Variants in IMMP2L observed in about 807,000 individuals in gnomAD.
The protein encoded by IMMP2L is mitochondrial inner membrane protease subunit 2.
Under a neutral mutation model 19.3 loss-of-function variants are expected in IMMP2L, and 18 were observed. The observed-to-expected ratio is 0.93, with a 90% CI of 0.64 to 1.38. IMMP2L has a LOEUF of 1.38. IMMP2L is among the 40% of genes most tolerant of loss of function. IMMP2L has a pLI of 0.00. For missense variants in IMMP2L, 233 were observed against 218.2 expected, an observed-to-expected ratio of 1.07 and a Z score of -0.43; for synonymous variants, 76 against 73.0, an observed-to-expected ratio of 1.04 and a Z score of -0.21.
chr7:110,879,192 A>G (rs2129544715), intron 5 of IMMP2L, among the ~76,000 whole-genome samples: 1 of 152,200 alleles, frequency 6.6e-6, no homozygotes, highest in African/African-American at 2.4e-5. Context: ...GGAGTTTCAG[A>G]CCAGCCTGGT....
At chr7:111,473,031 C>T (rs1034679152) in intron 3 of IMMP2L, among the ~76,000 whole-genome samples, 10 of 152,012 alleles carry the variant, frequency 6.6e-5, no homozygotes, top group South Asian at 2.1e-4. Context: ...TAATTTTGTA[C>T]GTATACCCTA....
chr7:110,688,071 C>T (rs6951942), intron 5 of IMMP2L, among the ~76,000 whole-genome samples: 4,087 of 151,910 alleles, frequency 0.027, 70 homozygotes, highest in Middle Eastern at 0.089. Flanking sequence ...AATCGAGAGA[C>T]GGAAAGGTGA....
At chr7:110,853,866 T>C (rs150497685) in intron 5 of IMMP2L, among the ~76,000 whole-genome samples, 4 of 152,112 alleles carry the variant, frequency 2.6e-5, no homozygotes, top group Non-Finnish European at 5.9e-5. Flanking sequence ...CTGGAAAACC[T>C]ATAGTTCATT....
rs534320517 is a variant in IMMP2L, at chr7:111,108,822, AT to A, written c.240-145258del. On this transcript the variant is annotated intron_variant, in intron 3 of 5. Transcript: ENST00000405709. Reference sequence around the variant, plus strand: ...CACAAATGAGTACCTCGTACAGCAAATTTTTTTAAATGTATAATAAGATGGA... The same window carrying A: ...CACAAATGAGTACCTCGTACAGCAAATTTTTTAAATGTATAATAAGATGGA... Among the ~76,000 whole-genome samples, 1,433 of 152,240 alleles carry A rather than the reference AT, an allele frequency of 9.4e-3. 21 individuals carry two copies. Among genetic ancestry groups the A allele is most frequent in the African/African-American group, 0.032 (1,328 of 41,554 alleles).
chr7:111,547,403 T>C (rs747266446), intron 1 of IMMP2L, among the ~76,000 whole-genome samples: 4 of 152,040 alleles, frequency 2.6e-5, no homozygotes, highest in Non-Finnish European at 4.4e-5. Flanking sequence ...TGATTCTCAC[T>C]TTATCATAAA....
chr7:111,360,285 T>C (rs889889678), intron 3 of IMMP2L, among the ~76,000 whole-genome samples: 2 of 152,100 alleles, frequency 1.3e-5, no homozygotes, highest in Non-Finnish European at 2.9e-5. Flanking sequence ...TGTAACACTT[T>C]TGATAATATT....
chr7:111,054,525 G>C (rs1793314724), intron 3 of IMMP2L, among the ~76,000 whole-genome samples: 1 of 152,174 alleles, frequency 6.6e-6, no homozygotes, highest in Admixed American at 6.5e-5. Flanking sequence ...TATGTCCCAG[G>C]AACTGAGCAC....
intron 3 of IMMP2L, among the ~76,000 whole-genome samples, chr7:111,061,118 C>T (rs1175356053): frequency 2.6e-5 from 4 of 152,116 alleles, no homozygotes; most frequent in South Asian, 2.1e-4. Context: ...TCACCTGAGA[C>T]GGAGGAGTTT....
intron 3 of IMMP2L, among the ~76,000 whole-genome samples, chr7:110,992,622 A>G (rs1411073939): frequency 6.6e-6 from 1 of 151,744 alleles, no homozygotes; most frequent in Non-Finnish European, 1.5e-5. Flanking sequence ...CAAAATATTT[A>G]TATAAATATA....
chr7:110,748,316 T>C (rs895933398), intron 5 of IMMP2L, among the ~76,000 whole-genome samples: 4 of 152,104 alleles, frequency 2.6e-5, no homozygotes, highest in African/African-American at 9.7e-5. Flanking sequence ...AAAATGGCCA[T>C]ACTGCCCTAA....
At chr7:111,076,538 T>C (rs1209562881) in intron 3 of IMMP2L, among the ~76,000 whole-genome samples, 1 of 152,158 alleles carries the variant, frequency 6.6e-6, no homozygotes, top group Non-Finnish European at 1.5e-5. Flanking sequence ...GAATGACTCA[T>C]TTGTCTTCCA....
At chr7:110,705,483 T>C (rs756866067) in intron 5 of IMMP2L, among the ~76,000 whole-genome samples, 1 of 152,172 alleles carries the variant, frequency 6.6e-6, no homozygotes, top group Non-Finnish European at 1.5e-5. Context: ...AAAGATTATA[T>C]GAAACGTCTT....
intron 5 of IMMP2L, among the ~76,000 whole-genome samples, chr7:110,759,196 C>A (rs1421644294): frequency 1.3e-5 from 2 of 152,042 alleles, no homozygotes; most frequent in African/African-American, 4.8e-5. Flanking sequence ...TCCTGAGTCA[C>A]CCCCAGGGAG....
rs1271677517 is a variant in IMMP2L at position 111,289,395 on chromosome 7, G to A, written c.239+197843C>T. Among the ~76,000 whole-genome samples, 4 of 150,648 alleles carry A rather than the reference G, an allele frequency of 2.7e-5. No homozygotes were observed. In the East Asian group the frequency reaches 7.8e-4, roughly 29 times the overall value. On this transcript the variant is annotated intron_variant, in intron 3 of 5. Coordinates refer to ENST00000405709, the MANE Select transcript of IMMP2L (RefSeq NM_032549.4). ...TAACAAACCTGCACATTCTGCATAT[G>A]TACCCCAGAACTTAAAGTATAATTA...
At chr7:110,794,853 G>T (rs1800753643) in intron 5 of IMMP2L, among the ~76,000 whole-genome samples, 1 of 151,916 alleles carries the variant, frequency 6.6e-6, no homozygotes, top group Non-Finnish European at 1.5e-5. Context: ...TAATAATAAT[G>T]AATTAATTAA....
chr7:111,514,188 T>G (rs1036608428), intron 2 of IMMP2L, among the ~76,000 whole-genome samples: 1 of 152,088 alleles, frequency 6.6e-6, no homozygotes, highest in East Asian at 1.9e-4. Flanking sequence ...TTAAATGTTC[T>G]CACCACCAAA....
At chr7:111,099,529 C>T in intron 3 of IMMP2L, among the ~76,000 whole-genome samples, 1 of 151,606 alleles carries the variant, frequency 6.6e-6, no homozygotes, top group Non-Finnish European at 1.5e-5. Flanking sequence ...GCATTTCTTG[C>T]TATGTCACCT....
At chr7:111,116,258 T>A (rs1799866856) in intron 3 of IMMP2L, among the ~76,000 whole-genome samples, 1 of 152,134 alleles carries the variant, frequency 6.6e-6, no homozygotes, top group Admixed American at 6.5e-5. Context: ...GCTTGCTGGG[T>A]AAAAATAAAA....
rs1190965652 is a variant in IMMP2L, at chr7:111,490,285, C to CA, written c.136-2945_136-2944insT. On this transcript the variant is annotated intron_variant, in intron 2 of 5. Coordinates refer to ENST00000405709, the MANE Select transcript of IMMP2L (RefSeq NM_032549.4). Reference sequence around the variant, plus strand: ...CCAGCTAAGTCGGGTTTTTTTTTTCCTTTTTTTTTTTTTAGAGATGGGAGG... The same window carrying CA: ...CCAGCTAAGTCGGGTTTTTTTTTTCCATTTTTTTTTTTTTAGAGATGGGAGG... Among the ~76,000 whole-genome samples, 194 of 138,870 alleles carry CA rather than the reference C, an allele frequency of 1.4e-3. 1 individual carries two copies. The highest frequency in any genetic ancestry group is 3.6e-3 in the Middle Eastern group (1 of 274). The allele number at this position is 138,870 out of a possible 152,430, so 91.1% of individuals were successfully genotyped here. A position where few individuals can be genotyped will look rare whatever the true frequency, so the allele number is the denominator to read the frequency against.
Sources: allele counts gnomAD v4.1 joint callset (sites outside exome capture counted in the v4.1 genomes callset), GRCh38; gene constraint gnomAD v4.1.1; transcripts MANE v1.5; gene names NCBI Gene and HGNC (gene_info 2026-07-23, HGNC 2026-07-21).